PCDH15: variants seen among roughly 807,000 people sequenced by gnomAD.
The protein encoded by PCDH15 is protocadherin related 15.
In PCDH15, 129 loss-of-function variants were observed where a neutral mutation model predicts 178.5. The observed-to-expected ratio is 0.72, with a 90% CI of 0.63 to 0.84. The LOEUF (loss-of-function observed/expected upper bound fraction) is 0.84. Among genes scored for constraint, PCDH15 ranks in the 40% least tolerant of loss-of-function variants. The pLI is 0.00. For missense variants in PCDH15, 2,230 were observed against 2,099.9 expected (o/e 1.06, Z -1.21); for synonymous variants, 800 against 732.0 (o/e 1.09, Z -1.50).
intron 1 of PCDH15, among the ~76,000 whole-genome samples, chr10:54,700,730 T>C (rs1265070486): frequency 6.6e-6 from 1 of 152,072 alleles, no homozygotes; most frequent in Non-Finnish European, 1.5e-5. Context: ...ACCAAATCTC[T>C]GGCTCCTTGG....
intron 2 of PCDH15, among the ~76,000 whole-genome samples, chr10:55,045,851 A>G (rs573928510): frequency 3.6e-4 from 55 of 152,124 alleles, no homozygotes; most frequent in Admixed American, 9.8e-4. Context: ...CTGAAGCACC[A>G]TGACTCTCAC....
intron 8 of PCDH15, among the ~76,000 whole-genome samples, chr10:54,270,772 C>T (rs540688710): frequency 2.6e-5 from 4 of 152,216 alleles, no homozygotes; most frequent in Non-Finnish European, 5.9e-5. Context: ...AGCAAAGTTA[C>T]CTGGTGACTA....
chr10:53,908,187 G>A (rs1023570796), intron 25 of PCDH15, among the ~76,000 whole-genome samples: 3 of 152,184 alleles, frequency 2.0e-5, no homozygotes, highest in African/African-American at 2.4e-5. Context: ...GGAATTAAAT[G>A]AGTAGAGGTC....
intron 2 of PCDH15, among the ~76,000 whole-genome samples, chr10:54,934,394 T>A (rs1227247298): frequency 6.6e-6 from 1 of 152,074 alleles, no homozygotes; most frequent in Non-Finnish European, 1.5e-5. Context: ...TACTAAAAAT[T>A]TTTTTTATTG....
At chr10:54,627,114 A>G (rs1462056343) in intron 2 of PCDH15, among the ~76,000 whole-genome samples, 1 of 152,198 alleles carries the variant, frequency 6.6e-6, no homozygotes, top group Non-Finnish European at 1.5e-5. Flanking sequence ...GTATCTAGGA[A>G]GTAAGTAACT....
At chr10:54,475,764 G>T (rs2078232799) in intron 3 of PCDH15, among the ~76,000 whole-genome samples, 1 of 151,312 alleles carries the variant, frequency 6.6e-6, no homozygotes, top group African/African-American at 2.4e-5. Context: ...TGCAGGTAAA[G>T]ATGATGATGA....
chr10:55,407,856 A>G (rs529881249), intron 2 of PCDH15, among the ~76,000 whole-genome samples: 1 of 152,310 alleles, frequency 6.6e-6, no homozygotes, highest in South Asian at 2.1e-4. Flanking sequence ...CTCTTATCTT[A>G]AGCTAAGACT....
At chr10:54,640,606 G>T (rs1400681066) in intron 2 of PCDH15, among the ~76,000 whole-genome samples, 1 of 151,944 alleles carries the variant, frequency 6.6e-6, no homozygotes, top group African/African-American at 2.4e-5. Context: ...AAACATATTT[G>T]ATTACATAAT....
At position 54,307,028 on chromosome 10, in the gene PCDH15, ATGTG is replaced by A. The variant is rs1218411712; in HGVS notation, c.876+10239_876+10242del. On this transcript the variant is annotated intron_variant, in intron 8 of 37. Coordinates refer to ENST00000644397, the MANE Select transcript of PCDH15 (RefSeq NM_001384140.1). ...TATATATATATACATATATATATAT[ATGTG>A]TGTGTGTGTATATATATATATATAT... Among the ~76,000 whole-genome samples the A allele has an allele frequency of 3.2e-3, 99 of 30,718 alleles. 2 individuals are homozygous for A. The highest frequency in any genetic ancestry group is 9.6e-3 in the African/African-American group (79 of 8,264). 20.2% of individuals were successfully genotyped at this position (30,718 alleles called of 152,430 possible).
intron 5 of PCDH15, among the ~76,000 whole-genome samples, chr10:54,353,695 T>C (rs1970520): frequency 0.11 from 17,371 of 151,968 alleles, 1,751 homozygotes; most frequent in African/African-American, 0.28. Context: ...TTCTGTTTCA[T>C]TAATGTTTTT....
At chr10:54,935,216 A>T (rs764265088) in intron 2 of PCDH15, among the ~76,000 whole-genome samples, 1 of 151,998 alleles carries the variant, frequency 6.6e-6, no homozygotes, top group Non-Finnish European at 1.5e-5. Flanking sequence ...TGTACCCTAA[A>T]ACTTAAAGTA....
chr10:54,433,011 A>G (rs780615097), intron 3 of PCDH15, among the ~76,000 whole-genome samples: 8 of 152,078 alleles, frequency 5.3e-5, no homozygotes, highest in Non-Finnish European at 1.2e-4. Flanking sequence ...AAATCAAAAC[A>G]ACAATGAGAT....
At chr10:54,457,812 T>C (rs2076925447) in intron 3 of PCDH15, among the ~76,000 whole-genome samples, 1 of 152,048 alleles carries the variant, frequency 6.6e-6, no homozygotes, top group Non-Finnish European at 1.5e-5. Context: ...AATCCAAAAG[T>C]TCTCAAACAG....
At chr10:53,988,872 T>G (rs1428091833) in intron 21 of PCDH15, among the ~76,000 whole-genome samples, 2 of 152,106 alleles carry the variant, frequency 1.3e-5, no homozygotes, top group African/African-American at 4.8e-5. Context: ...AAAGAAAAGC[T>G]TTAGACAAAT....
intron 20 of PCDH15, among the ~76,000 whole-genome samples, chr10:54,012,753 T>C (rs1032846495): frequency 1.8e-4 from 27 of 152,148 alleles, no homozygotes; most frequent in African/African-American, 6.3e-4. Flanking sequence ...TCTAAGGGAA[T>C]TTATTACAAC....
At chr10:53,955,502 C>T (rs1290879168) in intron 23 of PCDH15, among the ~76,000 whole-genome samples, 1 of 152,098 alleles carries the variant, frequency 6.6e-6, no homozygotes. Flanking sequence ...CTCTTTTATA[C>T]CTAATCATTT....
At chr10:54,240,789 G>A (rs1302300308) in intron 8 of PCDH15, among the ~76,000 whole-genome samples, 5 of 151,464 alleles carry the variant, frequency 3.3e-5, no homozygotes, top group Admixed American at 1.3e-4. Context: ...CCGCCACCAC[G>A]CCCGGCTAAT....
intron 1 of PCDH15, among the ~76,000 whole-genome samples, chr10:55,261,400 T>C (rs1026880645): frequency 6.6e-6 from 1 of 152,200 alleles, no homozygotes; most frequent in Admixed American, 6.5e-5. Flanking sequence ...TGGCCATTCT[T>C]GTACTGTTGT....
chr10:54,204,809 A>AT (rs2134012732), intron 10 of PCDH15, among the ~76,000 whole-genome samples: 1 of 152,210 alleles, frequency 6.6e-6, no homozygotes, highest in East Asian at 1.9e-4. Flanking sequence ...GTGTTCATTA[A>AT]AGATGGACCC....
Sources: allele counts gnomAD v4.1 joint callset (sites outside exome capture counted in the v4.1 genomes callset), GRCh38; gene constraint gnomAD v4.1.1; transcripts MANE v1.5; gene names NCBI Gene and HGNC (gene_info 2026-07-23, HGNC 2026-07-21).